CD274: variants seen among roughly 807,000 people sequenced by gnomAD.
CD274 encodes CD274 molecule.
In CD274, 8 loss-of-function variants were observed where a neutral mutation model predicts 30.1. The ratio of observed to expected loss-of-function variants is 0.27; its 90% confidence interval spans 0.16 to 0.48. The LOEUF (loss-of-function observed/expected upper bound fraction) is 0.48. Ranked by LOEUF, CD274 falls within the 20% of genes least tolerant of loss-of-function variation. The probability of loss-of-function intolerance (pLI) is 0.99; values close to 1 mark genes in which losing one functional copy is unlikely to be tolerated. For missense variants in CD274, 353 were observed against 346.6 expected, an observed-to-expected ratio of 1.02 and a Z score of -0.15; for synonymous variants, 152 against 124.6, an observed-to-expected ratio of 1.22 and a Z score of -1.46.
chr9:5,467,082 G>A lies in CD274; in HGVS notation c.850+253G>A, dbSNP rs755984463. Among the ~76,000 whole-genome samples the A allele has an allele frequency of 1.1e-3, 166 of 152,172 alleles. 3 individuals carry two copies. The highest frequency in any genetic ancestry group is 5.6e-4 in the Non-Finnish European group (38 of 68,010). ...GCAGCTCCTTGCAGCAGGGGACAAG[G>A]ATGACTTAGGTGGATGGATAATTAA... is the stretch of plus-strand genomic sequence containing the variant. On this transcript the variant is annotated intron_variant, in intron 6 of 6. Coordinates refer to ENST00000381577, the MANE Select transcript of CD274 (RefSeq NM_014143.4).
chr9:5,455,355 G>A (rs541219725), intron 1 of CD274, among the ~76,000 whole-genome samples: 10 of 152,206 alleles, frequency 6.6e-5, no homozygotes, highest in Non-Finnish European at 1.2e-4. Flanking sequence ...ATCAGTGTTT[G>A]CTAAACGAAA....
chr9:5,455,636 G>C (rs1005222575), intron 1 of CD274, among the ~76,000 whole-genome samples: 1 of 152,188 alleles, frequency 6.6e-6, no homozygotes, highest in Non-Finnish European at 1.5e-5. Context: ...TGGAAGCCTT[G>C]AATAGCTAAA....
intron 3 of CD274, among the ~76,000 whole-genome samples, chr9:5,460,166 GAT>G (rs1284041815): frequency 6.6e-6 from 1 of 152,058 alleles, no homozygotes; most frequent in Non-Finnish European, 1.5e-5. Flanking sequence ...CCTCAAATAG[GAT>G]TAGCCTAAAA....
At position 5,466,842 on chromosome 9, in the gene CD274, G is replaced by T. The variant is rs751095206; in HGVS notation, c.850+13G>T. The T allele has an allele frequency of 1.6e-5, 26 of 1,598,120 alleles. No homozygotes were observed. The highest frequency in any genetic ancestry group is 2.2e-5 in the Non-Finnish European group (26 of 1,167,918). On this transcript the variant is annotated intron_variant, in intron 6 of 6. Transcript: ENST00000381577. ...AAGAAGCAAAGTGGTAAGAATATCA[G>T]AAGGAATTGGGAAGTAAAAGTCAAA...
intron 6 of CD274, 132 bp downstream of exon 6, chr9:5,466,961 T>C: frequency 1.6e-6 from 1 of 644,516 alleles, no homozygotes; most frequent in Non-Finnish European, 2.6e-6. Context: ...GCCTCACAGC[T>C]AACACAAGAA....
intron 2 of CD274, 80 bp from the exon 3 acceptor site, chr9:5,456,999 G>A: frequency 1.1e-6 from 1 of 924,038 alleles, no homozygotes; most frequent in South Asian, 1.6e-5. Flanking sequence ...CAGATAAAGT[G>A]ATTTATAAAC....
At chr9:5,462,013 G>C (rs184262432) in intron 3 of CD274, among the ~76,000 whole-genome samples, 1 of 152,118 alleles carries the variant, frequency 6.6e-6, no homozygotes, top group Admixed American at 6.6e-5. Context: ...TAGTTATGAC[G>C]ATTGTACCAT....
At chr9:5,459,336 A>G (rs1819363020) in intron 3 of CD274, among the ~76,000 whole-genome samples, 1 of 152,242 alleles carries the variant, frequency 6.6e-6, no homozygotes, top group African/African-American at 2.4e-5. Flanking sequence ...CAGCTATACC[A>G]AAAGTCTGAA....
rs917966552 is a variant in CD274 at position 5,465,686 on chromosome 9, G to A, written c.790+80G>A. 1.7e-5 allele frequency: 14 copies of A among 846,380 alleles called. No homozygotes were observed. The Middle Eastern group carries it at 6.7e-4, about 40-fold the overall frequency. 52.4% of individuals were successfully genotyped at this position (846,380 alleles called of 1,614,324 possible). ...TTGGATCATGGCTGCAAGGAAACCC[G>A]ACTTAACCTCTGCAAGGTGGTGCAA... On this transcript the variant is annotated intron_variant, in intron 5 of 6. Transcript: ENST00000381577.
At chr9:5,459,838 C>T (rs1019724561) in intron 3 of CD274, among the ~76,000 whole-genome samples, 1 of 151,986 alleles carries the variant, frequency 6.6e-6, no homozygotes, top group Admixed American at 6.6e-5. Context: ...ATAGTTGTCC[C>T]GATAAAGCTA....
At chr9:5,458,187 T>G (rs560890174) in intron 3 of CD274, among the ~76,000 whole-genome samples, 2 of 152,330 alleles carry the variant, frequency 1.3e-5, no homozygotes, top group Admixed American at 1.3e-4. Flanking sequence ...GTGTTGGCAC[T>G]AGCTAAGTAA....
At chr9:5,459,870 C>T (rs896484780) in intron 3 of CD274, among the ~76,000 whole-genome samples, 9 of 151,986 alleles carry the variant, frequency 5.9e-5, no homozygotes, top group Non-Finnish European at 1.2e-4. Context: ...TGGACCAAAT[C>T]GACTGCTGTC....
intron 4 of CD274, among the ~76,000 whole-genome samples, chr9:5,463,926 AAG>A (rs58932810): frequency 0.2 from 30,957 of 152,052 alleles, 3,587 homozygotes; most frequent in Middle Eastern, 0.33. Flanking sequence ...CAGAATGTGA[AAG>A]AAAGTGAGGC....
chr9:5,466,683 T>C lies in CD274; in HGVS notation c.791-87T>C, dbSNP rs1420964494. 3.1e-6 allele frequency: 3 copies of C among 966,966 alleles called. No individual in the cohort carries two copies. In the Admixed American group the frequency reaches 6.4e-5, roughly 21 times the overall value. The allele number at this position is 966,966 out of a possible 1,614,324, so 59.9% of individuals were successfully genotyped here. The stretch of plus-strand genomic sequence containing the variant: ...AGACTTCCTAGGGATTACAAATGTT[T>C]CACAGAACTTGAAATTTAAACTTGG... On this transcript the variant is annotated intron_variant, in intron 5 of 6. Transcript: ENST00000381577.
Position 5,456,093 on chromosome 9 carries a change from T to C in CD274, c.-14-7T>C. The C allele has an allele frequency of 6.4e-7, 1 of 1,560,220 alleles. No homozygotes were observed. Among genetic ancestry groups the C allele is most frequent in the Non-Finnish European group, 8.8e-7 (1 of 1,131,988 alleles). On this transcript the variant is annotated splice_region_variant and splice_polypyrimidine_tract_variant and intron_variant, in intron 1 of 6. Coordinates refer to ENST00000381577, the MANE Select transcript of CD274 (RefSeq NM_014143.4). ...AGCAGTCTTCTTTTCGTGTTTTCCA[T>C]AATTAGGGCATTCCAGAAAGATGAG...
intron 3 of CD274, among the ~76,000 whole-genome samples, chr9:5,462,617 A>C (rs1819424022): frequency 6.6e-6 from 1 of 152,286 alleles, no homozygotes; most frequent in South Asian, 2.1e-4. Context: ...ATTTTTATAG[A>C]AAGATAGTCA....
At chr9:5,461,911 T>G (rs1289313740) in intron 3 of CD274, among the ~76,000 whole-genome samples, 1 of 152,036 alleles carries the variant, frequency 6.6e-6, no homozygotes, top group Non-Finnish European at 1.5e-5. Flanking sequence ...GTATCCTAGA[T>G]AGCATCCCAG....
At chr9:5,465,064 G>A (rs1213432193) in intron 4 of CD274, among the ~76,000 whole-genome samples, 10 of 145,286 alleles carry the variant, frequency 6.9e-5, no homozygotes, top group African/African-American at 2.6e-4. Context: ...TCCACCCTGG[G>A]CAACAGAGAA....
chr9:5,453,329 A>C (rs1819240708), intron 1 of CD274, among the ~76,000 whole-genome samples: 1 of 152,210 alleles, frequency 6.6e-6, no homozygotes, highest in African/African-American at 2.4e-5. Flanking sequence ...TCAAATTAGC[A>C]AAAAAATAAT....
Sources: allele counts gnomAD v4.1 joint callset (sites outside exome capture counted in the v4.1 genomes callset), GRCh38; gene constraint gnomAD v4.1.1; transcripts MANE v1.5; gene names NCBI Gene and HGNC (gene_info 2026-07-23, HGNC 2026-07-21).